Variants in CC2D2A observed in about 807,000 individuals in gnomAD.
The protein encoded by CC2D2A is coiled-coil and C2 domain-containing protein 2A.
In CC2D2A, 155 loss-of-function variants were observed where a neutral mutation model predicts 212.9. The ratio of observed to expected loss-of-function variants is 0.73; its 90% CI spans 0.64 to 0.83. The LOEUF (loss-of-function observed/expected upper bound fraction) is 0.83. CC2D2A is among the 40% of genes least tolerant of loss of function. CC2D2A has a pLI of 0.00. For synonymous variants in CC2D2A, 667 were observed against 686.5 expected (o/e 0.97, Z 0.44); for missense variants, 1,856 against 1,956.2 (o/e 0.95, Z 0.97).
intron 13 of CC2D2A, among the ~76,000 whole-genome samples, chr4:15,532,212 TC>T (rs1280721342): frequency 1.7e-4 from 26 of 152,312 alleles, no homozygotes; most frequent in African/African-American, 5.8e-4. Context: ...TTTTTGCTTT[TC>T]TAAGGGCTTC....
chr4:15,522,944 C>A (rs1413053450), intron 11 of CC2D2A, among the ~76,000 whole-genome samples: 1 of 151,732 alleles, frequency 6.6e-6, no homozygotes, highest in Non-Finnish European at 1.5e-5. Flanking sequence ...CATGGTGAAA[C>A]CCGTCTCTAC....
chr4:15,515,806 C>T, intron 9 of CC2D2A, 62 bp from the exon 10 acceptor site: 3 of 1,425,222 alleles, frequency 2.1e-6, no homozygotes, highest in Non-Finnish European at 1.9e-6. Context: ...ATTCACCAAA[C>T]TGCAGTTTGA....
intron 17 of CC2D2A, among the ~76,000 whole-genome samples, chr4:15,545,685 G>T (rs956211833): frequency 6.7e-6 from 1 of 150,160 alleles, no homozygotes; most frequent in African/African-American, 2.5e-5. Context: ...GGAGTGAGGG[G>T]ATGGGCTCAG....
At chr4:15,522,088 C>A (rs1717235101) in intron 11 of CC2D2A, among the ~76,000 whole-genome samples, 1 of 152,150 alleles carries the variant, frequency 6.6e-6, no homozygotes, top group African/African-American at 2.4e-5. Flanking sequence ...GTGGTCCCAG[C>A]TACTCAGGAG....
chr4:15,587,146 C>T (rs1720887861), intron 31 of CC2D2A, among the ~76,000 whole-genome samples: 1 of 152,210 alleles, frequency 6.6e-6, no homozygotes, highest in Non-Finnish European at 1.5e-5. Flanking sequence ...CTCAGATCAT[C>T]AGGCATTAGA....
Position 15,533,213 on chromosome 4 carries a change from A to G in CC2D2A, c.1487A>G (p.Asp496Gly). The G allele has an allele frequency of 6.3e-7, 1 of 1,584,458 alleles. No individual in the cohort carries two copies. Among genetic ancestry groups the G allele is most frequent in the Non-Finnish European group, 8.5e-7 (1 of 1,171,642 alleles). ...SEIRQTRKFR[D>G]AEQEKDRTLL... ...TGCAGACAAACAAGAAAATTCCGTGATGCTGAACAAGAAAAAGATAGAACA... is the reference window on the plus strand; with the variant it reads ...TGCAGACAAACAAGAAAATTCCGTGGTGCTGAACAAGAAAAAGATAGAACA... The change falls in exon 14 of 37, where the codon GAT becomes GGT. Residue 496 changes from aspartate (D) to glycine (G), a missense_variant. Around this residue, in one of 5 missense-constraint regions of CC2D2A, gnomAD observed 1,512 missense variants for 1,579.3 expected, o/e 0.96. Transcript: ENST00000424120.
At chr4:15,562,869 A>G (rs1371909675) in intron 23 of CC2D2A, among the ~76,000 whole-genome samples, 2 of 152,258 alleles carry the variant, frequency 1.3e-5, no homozygotes, top group Non-Finnish European at 2.9e-5. Context: ...TGAAGGGAGC[A>G]GGCTAATAGG....
chr4:15,594,972 C>CAA lies in CC2D2A; in HGVS notation c.4315-1101_4315-1100dup, dbSNP rs756111270. ...CACACCACCACGCCTGGCTACTTCT[C>CAA]AAAAAAAAAAAAATTTTTTTTTAAG... On this transcript the variant is annotated intron_variant, in intron 33 of 36. Transcript: ENST00000424120. 3.9e-4 allele frequency among the ~76,000 whole-genome samples: 56 copies of CAA among 144,746 alleles called. 1 individual carries two copies. Among genetic ancestry groups the CAA allele is most frequent in the African/African-American group, 1.3e-3 (52 of 39,342 alleles). 95.0% of individuals were successfully genotyped at this position (144,746 alleles called of 152,430 possible).
At chr4:15,572,945 G>C (rs1439453294) in intron 28 of CC2D2A, among the ~76,000 whole-genome samples, 2 of 152,154 alleles carry the variant, frequency 1.3e-5, no homozygotes, top group African/African-American at 4.8e-5. Flanking sequence ...GAAGCATCCA[G>C]CATGGGAGAA....
intron 16 of CC2D2A, 87 bp from the exon 17 acceptor site, chr4:15,540,750 T>G: frequency 7.9e-7 from 1 of 1,265,324 alleles, no homozygotes; most frequent in Non-Finnish European, 1.1e-6. Context: ...CAGTGTGTCT[T>G]GTTCTGTTCA....
At chr4:15,500,101 G>GTATATATATATATA (rs1222191394) in intron 4 of CC2D2A, among the ~76,000 whole-genome samples, 20 of 71,110 alleles carry the variant, frequency 2.8e-4, no homozygotes, top group South Asian at 2.1e-3. Flanking sequence ...GTGTGTGTGT[G>GTATATATATATATA]TGTGTGTATA....
At chr4:15,532,975 A>G (rs766328248) in intron 13 of CC2D2A, among the ~76,000 whole-genome samples, 4 of 152,232 alleles carry the variant, frequency 2.6e-5, no homozygotes, top group Admixed American at 6.5e-5. Context: ...TTAAGTACTT[A>G]AAGTCAGATC....
chr4:15,513,358 C>T (rs1486614059), intron 8 of CC2D2A, among the ~76,000 whole-genome samples: 2 of 152,218 alleles, frequency 1.3e-5, no homozygotes, highest in Non-Finnish European at 2.9e-5. Flanking sequence ...AAGCAAGTCA[C>T]GAGACGTAGT....
At position 15,536,955 on chromosome 4, in the gene CC2D2A, A is replaced by G; in HGVS notation, c.1643A>G (p.Tyr548Cys). ...KADQKADEEA[Y>C]EAEIQAEISE... Reference sequence around the variant, plus strand: ...GACCAGAAAGCAGATGAAGAAGCATATGAAGCAGAAATTCAAGCTGAAATA... The same window carrying G: ...GACCAGAAAGCAGATGAAGAAGCATGTGAAGCAGAAATTCAAGCTGAAATA... The change falls in exon 15 of 37, where the codon TAT becomes TGT. Residue 548 changes from tyrosine to cysteine, a missense_variant. By Grantham distance (194) the Tyr-to-Cys change is radical. This residue lies in a region of CC2D2A where 1,512 missense variants were observed against 1,579.3 expected (regional missense o/e 0.96). Coordinates refer to ENST00000424120, the MANE Select transcript of CC2D2A (RefSeq NM_001378615.1). The G allele has an allele frequency of 6.2e-7, 1 of 1,613,930 alleles. No individual in the cohort carries two copies. Among genetic ancestry groups the G allele is most frequent in the Non-Finnish European group, 8.5e-7 (1 of 1,179,800 alleles).
chr4:15,582,048 C>T (rs1720684520), intron 30 of CC2D2A, among the ~76,000 whole-genome samples: 1 of 151,972 alleles, frequency 6.6e-6, no homozygotes. Context: ...TAAAATATAA[C>T]ATAGACATGT....
chr4:15,545,923 A>T (rs548207089), intron 17 of CC2D2A, among the ~76,000 whole-genome samples: 2 of 152,210 alleles, frequency 1.3e-5, no homozygotes, highest in East Asian at 3.9e-4. Flanking sequence ...ACCCTGTGCA[A>T]CCTAGCGAGA....
At chr4:15,592,632 G>A (rs1312884553) in intron 33 of CC2D2A, among the ~76,000 whole-genome samples, 3 of 151,970 alleles carry the variant, frequency 2.0e-5, no homozygotes, top group African/African-American at 7.3e-5. Context: ...TCTTTCAATG[G>A]CTCTTCTTCC....
intron 4 of CC2D2A, among the ~76,000 whole-genome samples, chr4:15,498,204 T>C (rs1042325490): frequency 2.6e-5 from 4 of 152,142 alleles, no homozygotes; most frequent in African/African-American, 9.7e-5. Context: ...AAGAGCAACA[T>C]TGCTGAACAT....
At chr4:15,509,019 C>T (rs1383905501) in intron 6 of CC2D2A, among the ~76,000 whole-genome samples, 1 of 152,098 alleles carries the variant, frequency 6.6e-6, no homozygotes, top group Non-Finnish European at 1.5e-5. Context: ...AAGTTGGAAA[C>T]AGCACCTTGC....
Sources: gnomAD v4.1 joint callset for allele counts (sites outside exome capture counted in the v4.1 genomes callset) on GRCh38, gnomAD v4.1.1 for gene constraint, gnomAD v4.1.1 regional missense constraint, MANE v1.5 for transcripts, NCBI Gene and HGNC (gene_info 2026-07-23, HGNC 2026-07-21) for gene names.